The following CELF2 variants were observed in gnomAD, a reference collection of about 807,000 sequenced individuals.
CELF2 encodes the protein CUGBP Elav-like family member 2, also known as CUG triplet repeat RNA-binding protein 2.
In CELF2, 8 loss-of-function variants were observed where a neutral mutation model predicts 62.6. The observed-to-expected ratio is 0.13, with a 90% confidence interval of 0.07 to 0.23. The LOEUF is 0.23. CELF2 is among the 10% of genes least tolerant of loss of function. The probability of loss-of-function intolerance (pLI) is 1.00; values close to 1 mark genes in which losing one functional copy is unlikely to be tolerated. For missense variants in CELF2, 333 were observed against 671.0 expected (o/e 0.50, Z 5.56); for synonymous variants, 258 against 250.0 (o/e 1.03, Z -0.30).
intron 1 of CELF2, among the ~76,000 whole-genome samples, chr10:10,900,762 T>C (rs79379868): frequency 0.017 from 2,631 of 152,258 alleles, 90 homozygotes; most frequent in African/African-American, 0.06. Flanking sequence ...AAGACACTTA[T>C]ATTGAAAAGA....
rs2052419174 is a variant in CELF2, at chr10:10,983,783, G to A, written c.89+63784G>A. 6.6e-6 allele frequency among the ~76,000 whole-genome samples: 1 copy of A among 152,066 alleles called. No homozygotes were observed. Among genetic ancestry groups the A allele is most frequent in the African/African-American group, 2.4e-5 (1 of 41,400 alleles). On this transcript the variant is annotated intron_variant, in intron 2 of 13. Coordinates refer to the CELF2 transcript ENST00000636488. The surrounding 1 kb of genome is among the most constrained non-coding windows in gnomAD (Gnocchi z 5.2). The stretch of plus-strand genomic sequence containing the variant: ...GGATTTCACCATGTTGGCCAGGCTG[G>A]TCTTGAACTCCTCACAGGTGATCCA...
the CELF2 span, among the ~76,000 whole-genome samples, chr10:10,476,654 C>G: frequency 6.6e-6 from 1 of 152,080 alleles, no homozygotes; most frequent in African/African-American, 2.4e-5. Context: ...AATGCCCTAA[C>G]AGATATCCAA....
At chr10:11,288,231 G>C (rs1019463137) in intron 8 of CELF2, among the ~76,000 whole-genome samples, 187 bp from the exon 9 acceptor site, 2 of 152,264 alleles carry the variant, frequency 1.3e-5, no homozygotes, top group African/African-American at 4.8e-5. Context: ...TTGCATCAGA[G>C]AGAACTGAAG....
rs779332280 is a variant in CELF2 at position 11,165,396 on chromosome 10, C to G, written c.75-90C>G. On this transcript the variant is annotated intron_variant, in intron 1 of 12. Coordinates refer to ENST00000633077, the MANE Select transcript of CELF2 (RefSeq NM_001326342.2). The surrounding 1 kb of genome is among the most constrained non-coding windows in gnomAD (Gnocchi z 7.4). ...GCCACTGCTCTTCTTCCTCCTCCTT[C>G]CGCCTCCCCGCTCCCCCACCCCCAC... 1 of 1,530,930 alleles carries G rather than the reference C, an allele frequency of 6.5e-7. No individual in the cohort carries two copies. Among genetic ancestry groups the G allele is most frequent in the Non-Finnish European group, 8.8e-7 (1 of 1,139,616 alleles). The allele number at this position is 1,530,930 out of a possible 1,614,324, so 94.8% of individuals were successfully genotyped here.
the CELF2 span, among the ~76,000 whole-genome samples, chr10:10,476,205 A>G: frequency 9.2e-6 from 1 of 109,136 alleles, no homozygotes; most frequent in African/African-American, 3.4e-5. Context: ...AGGAAAGATT[A>G]TTTATCATTT....
the CELF2 span, among the ~76,000 whole-genome samples, chr10:10,704,440 A>G: frequency 5.6e-4 from 86 of 152,332 alleles, no homozygotes; most frequent in African/African-American, 2.0e-3. Flanking sequence ...GGAGGTTGAA[A>G]TGCTTGAAAT....
At chr10:10,675,413 T>C in the CELF2 span, among the ~76,000 whole-genome samples, 1 of 152,158 alleles carries the variant, frequency 6.6e-6, no homozygotes, top group Admixed American at 6.5e-5. Context: ...ATTTTCTTCT[T>C]TATCTTTGAT....
the CELF2 span, among the ~76,000 whole-genome samples, chr10:10,665,366 G>C: frequency 6.6e-6 from 1 of 152,044 alleles, no homozygotes; most frequent in Non-Finnish European, 1.5e-5. Flanking sequence ...GTATATTATG[G>C]ATATATGTAA....
At chr10:10,536,743 T>A in the CELF2 span, among the ~76,000 whole-genome samples, 1 of 152,192 alleles carries the variant, frequency 6.6e-6, no homozygotes, top group Non-Finnish European at 1.5e-5. Context: ...GAGAATTTAA[T>A]ACAAGGAAGT....
chr10:11,149,173 C>A (rs1011370503), intron 1 of CELF2, among the ~76,000 whole-genome samples: 1 of 152,094 alleles, frequency 6.6e-6, no homozygotes, highest in Admixed American at 6.5e-5. Flanking sequence ...TGTGTTCAAG[C>A]GATTCTCATG....
At chr10:10,568,484 G>A in the CELF2 span, among the ~76,000 whole-genome samples, 5 of 152,152 alleles carry the variant, frequency 3.3e-5, no homozygotes, top group Non-Finnish European at 7.4e-5. Flanking sequence ...TCCTTGTGAC[G>A]AAGAGCCTAA....
upstream of CELF2, among the ~76,000 whole-genome samples, chr10:10,796,114 G>C (rs2054125310): frequency 6.6e-6 from 1 of 152,190 alleles, no homozygotes; most frequent in Non-Finnish European, 1.5e-5. Flanking sequence ...GATGGAAGAA[G>C]TGCTGTGTGG....
intron 1 of CELF2, among the ~76,000 whole-genome samples, chr10:11,119,250 TA>T (rs2057220999): frequency 6.6e-6 from 1 of 152,188 alleles, no homozygotes; most frequent in Admixed American, 6.5e-5. Flanking sequence ...GAGAGCTTGA[TA>T]AAATAGAGCA....
At chr10:10,912,353 C>G (rs1391670528) in intron 1 of CELF2, among the ~76,000 whole-genome samples, 1 of 152,116 alleles carries the variant, frequency 6.6e-6, no homozygotes, top group Non-Finnish European at 1.5e-5. Context: ...TTTTGTCTAT[C>G]TCCCACTTCT....
chr10:11,051,282 A>T (rs2063865798), intron 1 of CELF2, among the ~76,000 whole-genome samples: 1 of 152,200 alleles, frequency 6.6e-6, no homozygotes, highest in Non-Finnish European at 1.5e-5. Context: ...TATCTTGAAA[A>T]CATCTTTTAC....
the CELF2 span, among the ~76,000 whole-genome samples, chr10:10,637,373 C>G: frequency 6.6e-6 from 1 of 152,178 alleles, no homozygotes; most frequent in African/African-American, 2.4e-5. Flanking sequence ...TCCTAGAACT[C>G]AGGCCACTGC....
rs116897519 is a variant in CELF2, at chr10:10,998,518, C to A, written c.89+78519C>A. ...AAGTGATGGTATATCTCATTAGGAA[C>A]TGATTTAAGGAAATGTGTGGGGCCT... On this transcript the variant is annotated intron_variant, in intron 2 of 13. Transcript: ENST00000636488. Among the ~76,000 whole-genome samples the A allele has an allele frequency of 7.3e-4, 111 of 152,294 alleles. No individual in the cohort carries two copies. In the East Asian group the frequency reaches 0.016, roughly 22 times the overall value.
the CELF2 span, among the ~76,000 whole-genome samples, chr10:10,694,362 C>T: frequency 4.9e-3 from 740 of 150,532 alleles, 1 homozygote; most frequent in Non-Finnish European, 7.0e-3. Flanking sequence ...TTTGATTGCA[C>T]TGTGGTCTGA....
chr10:10,609,464 A>G, the CELF2 span, among the ~76,000 whole-genome samples: 246 of 152,316 alleles, frequency 1.6e-3, 1 homozygote, highest in African/African-American at 5.6e-3. Context: ...GCGTGCACAC[A>G]CACACATCTC....
Sources: allele counts gnomAD v4.1 joint callset (sites outside exome capture counted in the v4.1 genomes callset), GRCh38; gene constraint gnomAD v4.1.1; non-coding constraint Gnocchi (gnomAD v3.1); transcripts MANE v1.5; gene names NCBI Gene and HGNC (gene_info 2026-07-23, HGNC 2026-07-21).